Variants in ANKS1B observed in about 807,000 individuals in gnomAD.
The protein encoded by ANKS1B is ankyrin repeat and sterile alpha motif domain containing 1B.
Under a neutral mutation model 148.3 loss-of-function variants are expected in ANKS1B, and 36 were observed. The ratio of observed to expected loss-of-function variants is 0.24; its 90% confidence interval spans 0.19 to 0.32. The LOEUF (loss-of-function observed/expected upper bound fraction) is 0.32. ANKS1B is among the 10% of genes least tolerant of loss of function. The pLI is 1.00. For missense variants in ANKS1B, 1,157 were observed against 1,542.6 expected (o/e 0.75, Z 4.19); for synonymous variants, 542 against 560.8 (o/e 0.97, Z 0.47).
At chr12:99,819,980 G>A (rs1443757895) in intron 2 of ANKS1B, among the ~76,000 whole-genome samples, 1 of 151,634 alleles carries the variant, frequency 6.6e-6, no homozygotes, top group African/African-American at 2.4e-5. Context: ...GGAGAATTAA[G>A]GGATTTGAAT....
At chr12:99,945,722 T>C (rs2095043901) in intron 1 of ANKS1B, among the ~76,000 whole-genome samples, 1 of 152,108 alleles carries the variant, frequency 6.6e-6, no homozygotes, top group Non-Finnish European at 1.5e-5. Flanking sequence ...GTTGGTGACG[T>C]GGAACACAGA....
intron 17 of ANKS1B, among the ~76,000 whole-genome samples, chr12:98,948,726 TTCTCTCTCTC>T (rs144897567): frequency 6.9e-6 from 1 of 144,844 alleles, no homozygotes; most frequent in South Asian, 2.2e-4. Flanking sequence ...TTATGCCAAT[TTCTCTCTCTC>T]TCTCTCTCTC....
chr12:99,264,169 T>C (rs1388205257), intron 12 of ANKS1B, among the ~76,000 whole-genome samples: 1 of 152,170 alleles, frequency 6.6e-6, no homozygotes, highest in Non-Finnish European at 1.5e-5. Context: ...TTTTGCTAAA[T>C]TCAGTAAATC....
intron 10 of ANKS1B, among the ~76,000 whole-genome samples, chr12:99,466,164 T>G (rs921253409): frequency 1.3e-5 from 2 of 152,134 alleles, no homozygotes; most frequent in African/African-American, 4.8e-5. Flanking sequence ...ACATGGAAAC[T>G]GAACAAACTG....
At chr12:99,596,119 A>C (rs923851473) in intron 9 of ANKS1B, among the ~76,000 whole-genome samples, 2 of 151,916 alleles carry the variant, frequency 1.3e-5, no homozygotes, top group African/African-American at 4.8e-5. Flanking sequence ...AAATATATTA[A>C]ATTTCTAGCA....
At chr12:99,466,081 AAACT>A (rs1349311652) in intron 10 of ANKS1B, among the ~76,000 whole-genome samples, 1 of 152,220 alleles carries the variant, frequency 6.6e-6, no homozygotes, top group African/African-American at 2.4e-5. Context: ...AAATTATAAC[AAACT>A]GTCTCTCAGA....
intron 8 of ANKS1B, among the ~76,000 whole-genome samples, chr12:99,760,573 G>T (rs1280425064): frequency 1.3e-5 from 2 of 151,610 alleles, no homozygotes; most frequent in African/African-American, 4.8e-5. Flanking sequence ...AGTCTATAGT[G>T]CTAAATGCCT....
At chr12:99,773,742 C>G (rs1395923623) in intron 7 of ANKS1B, among the ~76,000 whole-genome samples, 2 of 152,012 alleles carry the variant, frequency 1.3e-5, no homozygotes, top group African/African-American at 2.4e-5. Context: ...TATTTTTATT[C>G]TGACATAAAA....
intron 12 of ANKS1B, among the ~76,000 whole-genome samples, chr12:99,288,684 T>C (rs1271494400): frequency 6.6e-6 from 1 of 152,096 alleles, no homozygotes; most frequent in Admixed American, 6.5e-5. Context: ...AGGGTTAAGT[T>C]GTCATCAGTT....
At chr12:99,785,781 G>C (rs11110040) in intron 4 of ANKS1B, among the ~76,000 whole-genome samples, 2 of 152,112 alleles carry the variant, frequency 1.3e-5, no homozygotes, top group Admixed American at 6.5e-5. Flanking sequence ...ATCTAAAGTA[G>C]ATAAGTACAT....
intron 8 of ANKS1B, among the ~76,000 whole-genome samples, chr12:99,665,220 C>T (rs1215319698): frequency 6.6e-6 from 1 of 152,198 alleles, no homozygotes; most frequent in Non-Finnish European, 1.5e-5. Flanking sequence ...TACCATTTTA[C>T]ATTCCCATTC....
intron 15 of ANKS1B, among the ~76,000 whole-genome samples, chr12:99,124,490 G>C (rs2063766527): frequency 6.6e-6 from 1 of 151,140 alleles, no homozygotes; most frequent in African/African-American, 2.5e-5. Context: ...ATTTCTGTGA[G>C]ACATCTAAGT....
At chr12:99,075,045 T>C (rs1198112879) in intron 16 of ANKS1B, among the ~76,000 whole-genome samples, 1 of 152,106 alleles carries the variant, frequency 6.6e-6, no homozygotes, top group African/African-American at 2.4e-5. Flanking sequence ...AAGGAATGAA[T>C]AGGAGTTACC....
chr12:99,123,069 C>CA (rs1470679667), intron 15 of ANKS1B, among the ~76,000 whole-genome samples: 2 of 147,382 alleles, frequency 1.4e-5, no homozygotes, highest in South Asian at 4.4e-4. Flanking sequence ...AAAAAAACCC[C>CA]AAAAAAACAA....
chr12:99,954,994 A>T (rs527829346), intron 1 of ANKS1B, among the ~76,000 whole-genome samples: 1 of 152,106 alleles, frequency 6.6e-6, no homozygotes, highest in Admixed American at 6.6e-5. Flanking sequence ...GTCTGCCTTG[A>T]CCATTGAGAC....
At chr12:99,516,976 A>G (rs1038837999) in intron 9 of ANKS1B, among the ~76,000 whole-genome samples, 1 of 152,066 alleles carries the variant, frequency 6.6e-6, no homozygotes, top group Non-Finnish European at 1.5e-5. Flanking sequence ...TTTTCTTCTC[A>G]GGATAGCTTT....
chr12:99,836,228 C>T (rs757849555), intron 1 of ANKS1B, among the ~76,000 whole-genome samples: 12 of 152,092 alleles, frequency 7.9e-5, no homozygotes, highest in African/African-American at 1.2e-4. Context: ...CACACACACA[C>T]GCACAAAAGC....
At chr12:99,722,469 C>T (rs753547317) in intron 8 of ANKS1B, among the ~76,000 whole-genome samples, 1 of 152,224 alleles carries the variant, frequency 6.6e-6, no homozygotes, top group East Asian at 1.9e-4. Flanking sequence ...AATAATAAAG[C>T]CTGGATGACA....
At chr12:99,081,112 A>G (rs1299574450) in intron 16 of ANKS1B, among the ~76,000 whole-genome samples, 1 of 152,200 alleles carries the variant, frequency 6.6e-6, no homozygotes, top group East Asian at 1.9e-4. Flanking sequence ...CGCATTGGTG[A>G]ATATTTCAGT....
Sources: gnomAD v4.1 joint callset for allele counts (sites outside exome capture counted in the v4.1 genomes callset) on GRCh38, gnomAD v4.1.1 for gene constraint, MANE v1.5 for transcripts, NCBI Gene and HGNC (gene_info 2026-07-23, HGNC 2026-07-21) for gene names.